PCDHGB2: variants seen among roughly 807,000 people sequenced by gnomAD.
The protein encoded by PCDHGB2 is protocadherin gamma subfamily B, 2.
PCDHGB2 carries 55 observed loss-of-function variants against 59.3 expected under a neutral mutation model. That is an observed-to-expected ratio of 0.93 (90% CI 0.75 to 1.16). The LOEUF (loss-of-function observed/expected upper bound fraction) is 1.16. Among genes scored for constraint, PCDHGB2 ranks in the 50% most tolerant of loss-of-function variants. The pLI is 0.00. For synonymous variants in PCDHGB2, 516 were observed against 512.0 expected, an observed-to-expected ratio of 1.01 and a Z score of -0.11; for missense variants, 1,228 against 1,198.5, an observed-to-expected ratio of 1.02 and a Z score of -0.36.
chr5:141,399,109 A>G (rs1346301996), intron 1 of PCDHGB2: 4 of 1,613,714 alleles, frequency 2.5e-6, no homozygotes, highest in Admixed American at 3.3e-5. Context: ...TGCACAATGT[A>G]CAGTTGAAAT....
chr5:141,477,059 A>G lies in PCDHGB2; in HGVS notation c.2422-17748A>G. On this transcript the variant is annotated intron_variant, in intron 1 of 3. Coordinates refer to ENST00000522605, the MANE Select transcript of PCDHGB2 (RefSeq NM_018923.3). This position sits in a 1 kb window ranked among gnomAD's most constrained non-coding sequence, Gnocchi z 4.9. ...CAAGGGTCGGCTGGACTTCGAGGAC[A>G]CCAAACTCCATGAGATTTACATCCA... The G allele has an allele frequency of 1.2e-6, 2 of 1,614,238 alleles. No individual in the cohort carries two copies. Among genetic ancestry groups the G allele is most frequent in the Non-Finnish European group, 1.7e-6 (2 of 1,180,036 alleles).
chr5:141,399,695 C>G, intron 1 of PCDHGB2: 1 of 1,613,480 alleles, frequency 6.2e-7, no homozygotes, highest in South Asian at 1.1e-5. Flanking sequence ...CAGCTGCGCA[C>G]CTTCGAACTC....
chr5:141,385,368 T>TG, intron 1 of PCDHGB2: 4 of 1,535,720 alleles, frequency 2.6e-6, no homozygotes, highest in Non-Finnish European at 3.5e-6. Flanking sequence ...TTTATTTGCA[T>TG]GATATTTCTC....
chr5:141,417,980 C>A lies in PCDHGB2; in HGVS notation c.2421+55424C>A, dbSNP rs905203424. On this transcript the variant is annotated intron_variant, in intron 1 of 3. Transcript: ENST00000522605. ...GATCCGCTACTCGATTCCGGAGGAG[C>A]TGGCCAAGGGCTCGGTGGTGGGGAA... is the stretch of plus-strand genomic sequence containing the variant. 4.3e-6 allele frequency: 7 copies of A among 1,613,856 alleles called. No homozygotes were observed. The Admixed American group carries it at 1.0e-4, about 23-fold the overall frequency.
chr5:141,404,826 A>C lies in PCDHGB2; in HGVS notation c.2421+42270A>C, dbSNP rs771996319. 2.5e-6 allele frequency: 4 copies of C among 1,613,710 alleles called. No individual in the cohort carries two copies. In the South Asian group the frequency reaches 3.3e-5, roughly 13 times the overall value. The stretch of plus-strand genomic sequence containing the variant: ...TTCTCGGTGGGGCTGCACACAGGTG[A>C]AGTGCGCACAGCTCGGGCCCTGCTA... On this transcript the variant is annotated intron_variant, in intron 1 of 3. Transcript: ENST00000522605.
chr5:141,400,099 T>G (rs574278907), intron 1 of PCDHGB2: 1 of 1,614,072 alleles, frequency 6.2e-7, no homozygotes, highest in African/African-American at 1.3e-5. Flanking sequence ...CACGCTGCAC[T>G]TGGTCTTTGC....
At chr5:141,378,359 C>G (rs1254608030) in intron 1 of PCDHGB2, 1 of 152,222 alleles carries the variant, frequency 6.6e-6, no homozygotes, top group Non-Finnish European at 1.5e-5. Context: ...CCCGTCTCTA[C>G]TAAAAATACA....
intron 1 of PCDHGB2, among the ~76,000 whole-genome samples, chr5:141,450,005 TC>T (rs2098662434): frequency 1.0e-5 from 1 of 99,604 alleles, no homozygotes; most frequent in Non-Finnish European, 1.8e-5. Flanking sequence ...TTGCCATGTC[TC>T]TTTTTTTTTT....
chr5:141,365,043 A>G (rs1264854717), intron 1 of PCDHGB2: 5 of 1,613,814 alleles, frequency 3.1e-6, no homozygotes, highest in Non-Finnish European at 4.2e-6. Flanking sequence ...GCAAACGACA[A>G]TGCGCCCCTG....
At chr5:141,447,957 A>T (rs1460497437) in intron 1 of PCDHGB2, among the ~76,000 whole-genome samples, 3 of 151,910 alleles carry the variant, frequency 2.0e-5, no homozygotes, top group African/African-American at 7.3e-5. Context: ...ATGGTGGCGG[A>T]CACCTATAAT....
At chr5:141,500,278 G>A (rs1338703900) in intron 2 of PCDHGB2, among the ~76,000 whole-genome samples, 2 of 150,508 alleles carry the variant, frequency 1.3e-5, no homozygotes, top group East Asian at 2.0e-4. Context: ...GCGCAATCTC[G>A]GCTCACTGCA....
chr5:141,421,574 A>C, intron 1 of PCDHGB2: 1 of 1,613,924 alleles, frequency 6.2e-7, no homozygotes. Flanking sequence ...GACACCTTGA[A>C]GATTTACGGA....
chr5:141,360,482 T>C lies in PCDHGB2; in HGVS notation c.347T>C (p.Ile116Thr). Residue 116 changes from isoleucine to threonine, a missense_variant, in exon 1 of 4, where the codon ATT (isoleucine) becomes ACT (threonine). By Grantham distance (89) the Ile-to-Thr change is moderately conservative. Transcript: ENST00000522605. Reference protein sequence around the residue: ...FDTVAENPLNIFYIAVIVQDI... With the variant: ...FDTVAENPLNTFYIAVIVQDI... ...ACTGTCGCTGAAAATCCACTAAATA[T>C]TTTCTACATAGCAGTAATTGTGCAG... 2.5e-6 allele frequency: 4 copies of C among 1,613,924 alleles called. No individual in the cohort carries two copies. The highest frequency in any genetic ancestry group is 3.4e-6 in the Non-Finnish European group (4 of 1,179,870).
chr5:141,398,686 G>T (rs2093688431), intron 1 of PCDHGB2: 6 of 1,613,920 alleles, frequency 3.7e-6, no homozygotes, highest in Non-Finnish European at 5.1e-6. Context: ...GGAGAAACAG[G>T]ATGGTAGTAA....
chr5:141,387,840 C>A, intron 1 of PCDHGB2: 1 of 1,597,864 alleles, frequency 6.3e-7, no homozygotes, highest in African/African-American at 1.3e-5. Context: ...TTATTTGTAA[C>A]CCGGCGTCTC....
rs1043628660 is a variant in PCDHGB2, at chr5:141,478,879, G to A, written c.2422-15928G>A. On this transcript the variant is annotated intron_variant, in intron 1 of 3. Coordinates refer to ENST00000522605, the MANE Select transcript of PCDHGB2 (RefSeq NM_018923.3). ...GATCTCAGCGATCAGAGTTTAGCTT[G>A]GTATCATTTACATTAGGAATAAGCT... is the stretch of plus-strand genomic sequence containing the variant. 9 of 1,243,630 alleles carry A rather than the reference G, an allele frequency of 7.2e-6. No homozygotes were observed. The African/African-American group carries it at 1.1e-4, about 15-fold the overall frequency. The allele number at this position is 1,243,630 out of a possible 1,614,324, so 77.0% of individuals were successfully genotyped here.
rs757568006 is a variant in PCDHGB2 at position 141,389,895 on chromosome 5, C to A, written c.2421+27339C>A. 1.2e-5 allele frequency: 20 copies of A among 1,614,088 alleles called. No homozygotes were observed. In the Middle Eastern group the frequency reaches 2.0e-3, roughly 160 times the overall value. On this transcript the variant is annotated intron_variant, in intron 1 of 3. Coordinates refer to ENST00000522605, the MANE Select transcript of PCDHGB2 (RefSeq NM_018923.3). Reference sequence around the variant, plus strand: ...CGCCGACAGCTTGCAGGAGGTGCTGCCGGATATCACTGACCGCCCCGACCC... The same window carrying A: ...CGCCGACAGCTTGCAGGAGGTGCTGACGGATATCACTGACCGCCCCGACCC...
Position 141,360,572 on chromosome 5 carries a change from C to G in PCDHGB2, c.437C>G (p.Thr146Ser), listed in dbSNP as rs962315803. ...ATTAATTTAAAAATTGGCGAATCCA[C>G]TAAGCCAGGTACAACATTTCCACTT... ...TKINLKIGESTKPGTTFPLDP... is the reference protein window; with the variant it reads ...TKINLKIGESSKPGTTFPLDP... Residue 146 changes from threonine (T) to serine (S), a missense_variant, in exon 1 of 4, where the codon ACT (threonine) becomes AGT (serine). Physicochemically the swap from Thr to Ser is moderately conservative, Grantham distance 58 (BLOSUM62 1). This residue lies in a region of PCDHGB2 where 781 missense variants were observed against 721.6 expected (regional missense o/e 1.08). Coordinates refer to ENST00000522605, the MANE Select transcript of PCDHGB2 (RefSeq NM_018923.3). 2.5e-6 allele frequency: 4 copies of G among 1,613,998 alleles called. No individual in the cohort carries two copies. The South Asian group carries it at 3.3e-5, about 13-fold the overall frequency.
chr5:141,478,097 A>G lies in PCDHGB2; in HGVS notation c.2422-16710A>G, dbSNP rs757796085. Reference sequence around the variant, plus strand: ...GGAGCCTTCGCTCTCCACCACTGCTACCCTCACTGTGTCAGTAACCGAGGA... The same window carrying G: ...GGAGCCTTCGCTCTCCACCACTGCTGCCCTCACTGTGTCAGTAACCGAGGA... On this transcript the variant is annotated intron_variant, in intron 1 of 3. Transcript: ENST00000522605. 9.9e-6 allele frequency: 16 copies of G among 1,613,666 alleles called. No homozygotes were observed. Among genetic ancestry groups the G allele is most frequent in the Admixed American group, 1.7e-5 (1 of 59,970 alleles).
Sources: gnomAD v4.1 joint callset for allele counts (sites outside exome capture counted in the v4.1 genomes callset) on GRCh38, gnomAD v4.1.1 for gene constraint, gnomAD v4.1.1 regional missense constraint, Gnocchi (gnomAD v3.1) non-coding constraint, MANE v1.5 for transcripts, NCBI Gene and HGNC (gene_info 2026-07-23, HGNC 2026-07-21) for gene names.